ZNF615: variants seen among roughly 807,000 people sequenced by gnomAD.
ZNF615 encodes zinc finger protein 615.
A neutral mutation model predicts 15.3 loss-of-function variants in ZNF615; 15 were observed. That is an observed-to-expected ratio of 0.98 (90% CI 0.66 to 1.51). ZNF615 has a LOEUF of 1.51. ZNF615 is among the 40% of genes most tolerant of loss of function. The pLI, the probability that ZNF615 is intolerant of heterozygous loss-of-function variation, is 0.00. For missense variants in ZNF615, 848 were observed against 895.9 expected, an observed-to-expected ratio of 0.95 and a Z score of 0.68; for synonymous variants, 268 against 294.6, an observed-to-expected ratio of 0.91 and a Z score of 0.92.
At position 51,994,127 on chromosome 19, in the gene ZNF615, C is replaced by T. The variant is rs779009191; in HGVS notation, c.982G>A (p.Gly328Arg). The part of the protein sequence containing the change: ...QRTHTGEKPH[G>R]CSVCGKAFST... Reference sequence around the variant, plus strand: ...AAGGCCTTCCCACATACACTGCATCCATGGGGTTTCTCTCCTGTATGAGTT... The same window carrying T: ...AAGGCCTTCCCACATACACTGCATCTATGGGGTTTCTCTCCTGTATGAGTT... Residue 328 changes from glycine to arginine, a missense_variant, in exon 7 of 7, where the codon GGA becomes AGA. Transcript: ENST00000598071. 5 of 1,613,588 alleles carry T rather than the reference C, an allele frequency of 3.1e-6. No individual in the cohort carries two copies. The highest frequency in any genetic ancestry group is 3.4e-6 in the Non-Finnish European group (4 of 1,179,892).
chr19:51,994,144 G>C lies in ZNF615; in HGVS notation c.965C>G (p.Thr322Arg). ...ACTGCATCCATGGGGTTTCTCTCCT[G>C]TATGAGTTCGTTGATGATAAATGAG... The part of the protein sequence containing the change: ...CRLIYHQRTH[T>R]GEKPHGCSVC... The change falls in exon 7 of 7, where the codon ACA becomes AGA. Residue 322 changes from threonine (T) to arginine (R), a missense_variant. Thr to Arg is a moderately conservative substitution (Grantham distance 71, BLOSUM62 -1). Coordinates refer to ENST00000598071, the MANE Select transcript of ZNF615 (RefSeq NM_001199324.2). 1 of 1,613,958 alleles carries C rather than the reference G, an allele frequency of 6.2e-7. No individual in the cohort carries two copies. Among genetic ancestry groups the C allele is most frequent in the Non-Finnish European group, 8.5e-7 (1 of 1,180,020 alleles).
intron 1 of ZNF615, 25 bp downstream of exon 1, chr19:52,008,116 G>A: frequency 1.3e-6 from 2 of 1,534,674 alleles, no homozygotes; most frequent in Non-Finnish European, 1.7e-6. Flanking sequence ...CGTCACCACA[G>A]CGACCACCCA....
intron 6 of ZNF615, among the ~76,000 whole-genome samples, chr19:51,998,629 G>A (rs188802226): frequency 6.6e-4 from 101 of 152,314 alleles, no homozygotes; most frequent in Admixed American, 4.8e-3. Flanking sequence ...TGCTGATAGC[G>A]TTGGAATATA....
intron 2 of ZNF615, 109 bp downstream of exon 2, chr19:52,007,184 C>A: frequency 1.7e-6 from 1 of 585,590 alleles, no homozygotes; most frequent in Non-Finnish European, 2.7e-6. Flanking sequence ...ATAATAGTAC[C>A]ATTTACATAA....
At chr19:52,007,422 A>C in intron 1 of ZNF615, 92 bp from the exon 2 acceptor site, 2 of 715,884 alleles carry the variant, frequency 2.8e-6, no homozygotes, top group Non-Finnish European at 4.0e-6. Context: ...ACTTTTAGGT[A>C]TGCTAGATGA....
At chr19:52,000,798 C>G (rs1169731412) in intron 5 of ZNF615, among the ~76,000 whole-genome samples, 1 of 151,910 alleles carries the variant, frequency 6.6e-6, no homozygotes, top group Non-Finnish European at 1.5e-5. Context: ...ATAAGAAATA[C>G]AAAAATCAGC....
chr19:52,002,896 G>A (rs1304032691), intron 3 of ZNF615, among the ~76,000 whole-genome samples: 2 of 150,540 alleles, frequency 1.3e-5, no homozygotes, highest in South Asian at 2.1e-4. Context: ...GCACAATCTC[G>A]GCTCACTGCA....
intron 1 of ZNF615, 114 bp downstream of exon 1, chr19:52,008,027 C>T: frequency 9.8e-7 from 1 of 1,022,332 alleles, no homozygotes; most frequent in Non-Finnish European, 1.4e-6. Context: ...ACTGGCGTCG[C>T]CAAACGCTGG....
In ZNF615 at chr19:51,991,918, A is replaced by G. The variant is rs1473326397; in HGVS notation, c.*962T>C. The G allele has an allele frequency of 6.6e-6, 1 of 151,986 alleles. No homozygotes were observed. Among genetic ancestry groups the G allele is most frequent in the Non-Finnish European group, 1.5e-5 (1 of 68,018 alleles). The allele number at this position is 151,986 out of a possible 1,614,324, so 9.4% of individuals were successfully genotyped here. On this transcript the variant is annotated 3_prime_UTR_variant, in exon 7 of 7. Transcript: ENST00000598071. ...GCTGGGTTAAGGGCAAGAACTCTGG[A>G]ATATTTTGGTAAGATTTTGTGAATC...
chr19:52,000,896 T>C (rs1452980834), intron 5 of ZNF615, among the ~76,000 whole-genome samples: 2 of 151,548 alleles, frequency 1.3e-5, no homozygotes, highest in African/African-American at 4.9e-5. Flanking sequence ...AAGGCTACAG[T>C]GAGCCTGGGT....
chr19:52,003,967 G>T, intron 2 of ZNF615, 67 bp from the exon 3 acceptor site: 1 of 1,157,368 alleles, frequency 8.6e-7, no homozygotes, highest in Non-Finnish European at 1.1e-6. Flanking sequence ...GTTCCTATAT[G>T]CTCACCTTAA....
intron 6 of ZNF615, 98 bp downstream of exon 6, chr19:52,000,248 T>C (rs542038239): frequency 1.0e-5 from 5 of 494,922 alleles, no homozygotes; most frequent in African/African-American, 9.9e-5. Flanking sequence ...AGGCAAGGGT[T>C]GAAGAACCAC....
At chr19:52,003,178 A>C (rs574250444) in intron 3 of ZNF615, among the ~76,000 whole-genome samples, 1 of 152,290 alleles carries the variant, frequency 6.6e-6, no homozygotes, top group East Asian at 1.9e-4. Flanking sequence ...ATGCAGACAC[A>C]TGTATGCACA....
chr19:52,002,580 G>C, intron 3 of ZNF615: 1 of 450,152 alleles, frequency 2.2e-6, no homozygotes, highest in Middle Eastern at 3.4e-4. Flanking sequence ...CTAGTCATAA[G>C]TATATGCCAG....
chr19:52,004,118 T>C (rs1005868980), intron 2 of ZNF615, among the ~76,000 whole-genome samples: 5 of 152,176 alleles, frequency 3.3e-5, no homozygotes, highest in African/African-American at 1.2e-4. Flanking sequence ...TGACTACTGC[T>C]AGTAAGTGAA....
Position 51,992,968 on chromosome 19 carries a change from G to C in ZNF615, c.2141C>G (p.Thr714Arg). 6.2e-7 allele frequency: 1 copy of C among 1,614,164 alleles called. No homozygotes were observed. Among genetic ancestry groups the C allele is most frequent in the Non-Finnish European group, 8.5e-7 (1 of 1,180,032 alleles). The change falls in exon 7 of 7, where the codon ACA becomes AGA. Residue 714 changes from threonine (T) to arginine (R), a missense_variant. Transcript: ENST00000598071. ...ACTACATCCATAGGGCCTCTCTCCT[G>C]TATGTTTTCTTTGATGAACATTGAG... The part of the protein sequence containing the change: ...SGLNVHQRKH[T>R]GERPYGCSDC...
rs2086244822 is a variant in ZNF615, at chr19:51,991,881, T to C, written c.*999A>G. On this transcript the variant is annotated 3_prime_UTR_variant, in exon 7 of 7. Transcript: ENST00000598071. The stretch of plus-strand genomic sequence containing the variant: ...TGAACTATGCTTATGTAAGTTGTTA[T>C]CTTTGGAAGAAGCTGGGTTAAGGGC... The C allele has an allele frequency of 7.0e-6, 1 of 142,896 alleles. No individual in the cohort carries two copies. The highest frequency in any genetic ancestry group is 7.1e-5 in the Admixed American group (1 of 14,148). The allele number at this position is 142,896 out of a possible 1,614,324, so 8.9% of individuals were successfully genotyped here.
At chr19:52,000,020 C>T (rs2086545560) in intron 6 of ZNF615, 2 of 222,800 alleles carry the variant, frequency 9.0e-6, no homozygotes, top group African/African-American at 2.3e-5. Context: ...GGTATATATA[C>T]ACCATGGAAT....
chr19:52,006,866 C>T (rs2086767454), intron 2 of ZNF615, among the ~76,000 whole-genome samples: 1 of 151,578 alleles, frequency 6.6e-6, no homozygotes, highest in African/African-American at 2.4e-5. Flanking sequence ...ATTAAGATGA[C>T]CAAATATAAA....
Sources: gnomAD v4.1 joint callset for allele counts (sites outside exome capture counted in the v4.1 genomes callset) on GRCh38, gnomAD v4.1.1 for gene constraint, MANE v1.5 for transcripts, NCBI Gene and HGNC (gene_info 2026-07-23, HGNC 2026-07-21) for gene names.